Variants in AGBL4 observed in about 807,000 individuals in gnomAD.
The protein encoded by AGBL4 is cytosolic carboxypeptidase 6.
A neutral mutation model predicts 66.4 loss-of-function variants in AGBL4; 58 were observed. The observed-to-expected ratio is 0.87, with a 90% confidence interval of 0.71 to 1.09. The LOEUF (loss-of-function observed/expected upper bound fraction) is 1.09, where lower values mean the gene tolerates loss of function less well. Ranked by LOEUF, AGBL4 falls within the 50% of genes least tolerant of loss-of-function variation. The pLI, the probability that AGBL4 is intolerant of heterozygous loss-of-function variation, is 0.00. For synonymous variants in AGBL4, 234 were observed against 222.9 expected, an observed-to-expected ratio of 1.05 and a Z score of -0.44; for missense variants, 579 against 631.0, an observed-to-expected ratio of 0.92 and a Z score of 0.88.
chr1:48,674,740 C>T (rs999201530), intron 6 of AGBL4, among the ~76,000 whole-genome samples: 1 of 152,082 alleles, frequency 6.6e-6, no homozygotes, highest in Admixed American at 6.5e-5. Context: ...GTACTAATAA[C>T]GGTGCTTGTC....
intron 5 of AGBL4, among the ~76,000 whole-genome samples, chr1:49,021,859 C>T (rs1264305294): frequency 6.6e-6 from 1 of 152,084 alleles, no homozygotes; most frequent in Non-Finnish European, 1.5e-5. Flanking sequence ...TGTTAGAAGA[C>T]TTATATTTCA....
In AGBL4 at chr1:49,134,475, GCCCCC is replaced by G. The variant is rs57286157; in HGVS notation, c.378-88680_378-88676del. Among the ~76,000 whole-genome samples, 50 of 112,804 alleles carry G rather than the reference GCCCCC, an allele frequency of 4.4e-4. 2 individuals are homozygous for G. Among genetic ancestry groups the G allele is most frequent in the African/African-American group, 1.6e-3 (48 of 30,448 alleles). 74.0% of individuals were successfully genotyped at this position (112,804 alleles called of 152,430 possible). On this transcript the variant is annotated intron_variant, in intron 4 of 13. Transcript: ENST00000371839. ...ACTCCCAGAGCAGCCATTTTGGAGG[GCCCCC>G]CCCCCCCCACCCCAGGAATGCATTC...
rs976559305 is a variant in AGBL4 at position 49,938,016 on chromosome 1, A to G, written c.34+85747T>C. On this transcript the variant is annotated intron_variant, in intron 1 of 13. Coordinates refer to ENST00000371839, the MANE Select transcript of AGBL4 (RefSeq NM_032785.4). ...AAATCAGAGCAGAACTGAAGAAAAT[A>G]GAGACAAAAAAAGCCCTTGAAAAAA... Among the ~76,000 whole-genome samples the G allele has an allele frequency of 1.3e-4, 19 of 149,796 alleles. 1 individual carries two copies. The highest frequency in any genetic ancestry group is 3.7e-4 in the African/African-American group (15 of 40,032).
intron 3 of AGBL4, among the ~76,000 whole-genome samples, chr1:49,518,841 C>T (rs1228564790): frequency 6.6e-6 from 1 of 151,958 alleles, no homozygotes; most frequent in Non-Finnish European, 1.5e-5. Context: ...TAAAAGCAGG[C>T]CAATAAACTA....
intron 3 of AGBL4, among the ~76,000 whole-genome samples, chr1:49,603,118 C>A (rs1036025179): frequency 6.6e-6 from 1 of 152,208 alleles, no homozygotes; most frequent in East Asian, 1.9e-4. Flanking sequence ...GCCTTTCAAA[C>A]CCCTGCTCCT....
At chr1:49,877,499 G>A (rs1233971542) in intron 1 of AGBL4, among the ~76,000 whole-genome samples, 2 of 150,722 alleles carry the variant, frequency 1.3e-5, no homozygotes, top group African/African-American at 4.9e-5. Flanking sequence ...TTGCATCCCA[G>A]GGATGAAGCC....
At chr1:49,567,719 C>T (rs1217967567) in intron 3 of AGBL4, among the ~76,000 whole-genome samples, 1 of 152,148 alleles carries the variant, frequency 6.6e-6, no homozygotes, top group Admixed American at 6.5e-5. Context: ...AATGCTCTCC[C>T]TCCCTCATTC....
intron 6 of AGBL4, among the ~76,000 whole-genome samples, chr1:48,679,891 GT>G (rs1646427558): frequency 6.6e-6 from 1 of 152,236 alleles, no homozygotes; most frequent in Non-Finnish European, 1.5e-5. Context: ...GCCGCCGTGT[GT>G]CCCAGCTCAC....
At chr1:49,359,652 T>C (rs1431979889) in intron 3 of AGBL4, among the ~76,000 whole-genome samples, 6 of 152,168 alleles carry the variant, frequency 3.9e-5, no homozygotes, top group African/African-American at 1.4e-4. Flanking sequence ...TGGAGAACAC[T>C]GTAGGCAAAA....
At chr1:49,490,165 A>T (rs961082111) in intron 3 of AGBL4, among the ~76,000 whole-genome samples, 4 of 151,810 alleles carry the variant, frequency 2.6e-5, no homozygotes, top group Non-Finnish European at 5.9e-5. Context: ...TGGTTTTAAT[A>T]GGCAATCATT....
rs183603897 is a variant in AGBL4 at position 49,230,181 on chromosome 1, C to T, written c.377+15589G>A. 8.7e-4 allele frequency among the ~76,000 whole-genome samples: 133 copies of T among 152,278 alleles called. 1 individual carries two copies. Among genetic ancestry groups the T allele is most frequent in the Non-Finnish European group, 1.6e-3 (111 of 68,028 alleles). On this transcript the variant is annotated intron_variant, in intron 4 of 13. Transcript: ENST00000371839. ...CAAGTCCCAGACATGGTTCTGTCCA[C>T]CTTGCTTATGTGCCTCCAGGCAGAT...
intron 5 of AGBL4, among the ~76,000 whole-genome samples, chr1:49,016,773 C>CT (rs1340087075): frequency 6.6e-6 from 1 of 152,214 alleles, no homozygotes; most frequent in African/African-American, 2.4e-5. Flanking sequence ...GGCTCAGTGC[C>CT]TGTCATTCTG....
chr1:49,723,364 TATC>T (rs1161567922), intron 2 of AGBL4, among the ~76,000 whole-genome samples: 2 of 152,134 alleles, frequency 1.3e-5, no homozygotes, highest in Non-Finnish European at 2.9e-5. Context: ...CCCATTCTCT[TATC>T]ATCTAATTTC....
chr1:49,776,742 T>C (rs1644208261), intron 2 of AGBL4, among the ~76,000 whole-genome samples: 1 of 152,140 alleles, frequency 6.6e-6, no homozygotes, highest in African/African-American at 2.4e-5. Flanking sequence ...CACAACATCA[T>C]ACTTTTCATA....
chr1:49,101,430 C>T (rs192230473), intron 4 of AGBL4, among the ~76,000 whole-genome samples: 4 of 152,208 alleles, frequency 2.6e-5, no homozygotes, highest in South Asian at 2.1e-4. Flanking sequence ...TCAAGTGATC[C>T]GCCTGATTGG....
chr1:49,672,586 C>CA (rs56732101), intron 3 of AGBL4, among the ~76,000 whole-genome samples: 152,018 of 152,020 alleles, frequency 1, 76,008 homozygotes, highest in Non-Finnish European at 1. Context: ...ATATACAAAA[C>CA]AAAAAATTAA....
chr1:49,470,077 T>G (rs1646711272), intron 3 of AGBL4: 1 of 151,964 alleles, frequency 6.6e-6, no homozygotes, highest in Non-Finnish European at 1.5e-5. Flanking sequence ...TACAGAGAAT[T>G]TCAAGTACAA....
chr1:49,905,767 GAATT>G (rs1435234419), intron 1 of AGBL4, among the ~76,000 whole-genome samples: 1 of 151,956 alleles, frequency 6.6e-6, no homozygotes, highest in East Asian at 1.9e-4. Context: ...ACAGTTGTAA[GAATT>G]ATTAATATGA....
intron 4 of AGBL4, among the ~76,000 whole-genome samples, chr1:49,199,286 A>G (rs963840741): frequency 1.3e-5 from 2 of 152,174 alleles, no homozygotes; most frequent in Non-Finnish European, 2.9e-5. Flanking sequence ...TTTAACCACA[A>G]TGCTATATTA....
Sources: gnomAD v4.1 joint callset for allele counts (sites outside exome capture counted in the v4.1 genomes callset) on GRCh38, gnomAD v4.1.1 for gene constraint, MANE v1.5 for transcripts, NCBI Gene and HGNC (gene_info 2026-07-23, HGNC 2026-07-21) for gene names.